The following MUC5AC variants were observed in gnomAD, a reference collection of about 807,000 sequenced individuals.
The protein encoded by MUC5AC is mucin 5AC, oligomeric mucus/gel-forming, also known as mucin-5AC.
MUC5AC carries 158 observed loss-of-function variants against 169.7 expected under a neutral mutation model. That is an observed-to-expected ratio of 0.93 (90% CI 0.82 to 1.06). The LOEUF (loss-of-function observed/expected upper bound fraction) is 1.06. Among genes scored for constraint, MUC5AC ranks in the 50% least tolerant of loss-of-function variants. The pLI is 0.00. For missense variants in MUC5AC, 4,359 were observed against 3,089.9 expected (o/e 1.41, Z -9.74); for synonymous variants, 1,975 against 1,237.0 (o/e 1.60, Z -12.52).
At chr11:1,181,559 G>T (rs1860816083) in intron 30 of MUC5AC, 100 bp downstream of exon 30, 1 of 398,200 alleles carries the variant, frequency 2.5e-6, no homozygotes, top group South Asian at 1.3e-4. Context: ...CTCTGGGCAT[G>T]GGCGGCAGCC....
Position 1,174,570 on chromosome 11 carries a change from C to T in MUC5AC, c.2040C>T (p.His680=), listed in dbSNP as rs991900818. ...CLCAALSSYV[H]ACAAKGVQLG... ...GCGCCGCGCTGTCCTCCTACGTGCA[C>T]GCCTGTGCCGCCAAGGGCGTGCAGC... is the stretch of plus-strand genomic sequence containing the variant. Residue 680 remains histidine (H), a synonymous_variant, in exon 17 of 49, where the codon CAC becomes CAT. Transcript: ENST00000621226. The T allele has an allele frequency of 7.2e-4, 1,094 of 1,529,810 alleles. No individual in the cohort carries two copies. The highest frequency in any genetic ancestry group is 9.1e-4 in the Non-Finnish European group (1,030 of 1,131,160). 94.8% of individuals were successfully genotyped at this position (1,529,810 alleles called of 1,614,324 possible). A position where few individuals can be genotyped will look rare whatever the true frequency, so the allele number is the denominator to read the frequency against.
chr11:1,201,082 C>A lies in MUC5AC; in HGVS notation c.*380C>A, dbSNP rs1861417868. 2 of 201,558 alleles carry A rather than the reference C, an allele frequency of 9.9e-6. No homozygotes were observed. The highest frequency in any genetic ancestry group is 3.5e-4 in the South Asian group (2 of 5,724). The allele number at this position is 201,558 out of a possible 1,614,324, so 12.5% of individuals were successfully genotyped here. ...CTCCTACCTCAGCCCTCAGCCTGCGCTCCCCTCCTCAGTACACGGCCAATC... is the reference window on the plus strand; with the variant it reads ...CTCCTACCTCAGCCCTCAGCCTGCGATCCCCTCCTCAGTACACGGCCAATC... On this transcript the variant is annotated 3_prime_UTR_variant, in exon 49 of 49. Coordinates refer to ENST00000621226, the MANE Select transcript of MUC5AC (RefSeq NM_001304359.2).
chr11:1,197,408 G>A, intron 40 of MUC5AC, 60 bp from the exon 41 acceptor site: 1 of 689,894 alleles, frequency 1.4e-6, no homozygotes. Flanking sequence ...AGCCGGGGTG[G>A]CTGCTGCACC....
intron 48 of MUC5AC, 37 bp downstream of exon 48, chr11:1,200,006 G>T: frequency 1.4e-6 from 1 of 715,352 alleles, no homozygotes. Flanking sequence ...GACGCGATTG[G>T]CTGTGGGGTG....
At chr11:1,194,847 T>C (rs1052798016) in intron 35 of MUC5AC, among the ~76,000 whole-genome samples, 165 bp from the exon 36 acceptor site, 8 of 151,830 alleles carry the variant, frequency 5.3e-5, no homozygotes, top group Non-Finnish European at 7.4e-5. Flanking sequence ...CCCAGTACCA[T>C]AGGGACTGTC....
Position 1,188,797 on chromosome 11 carries a change from T to A in MUC5AC, c.10652T>A (p.Ile3551Asn). The change falls in exon 31 of 49, where the codon ATC becomes AAC. Residue 3551 changes from isoleucine to asparagine, a missense_variant. Ile to Asn is a moderately radical substitution (Grantham distance 149). Transcript: ENST00000621226. ...GGDKETYNNI[I>N]RSGEKICRRP... ...GACAAGGAAACCTACAACAACATCA[T>A]CAGGAGTGGGGAAAAAATCTGCCGC... The A allele has an allele frequency of 4.0e-6, 3 of 753,378 alleles. No individual in the cohort carries two copies. The highest frequency in any genetic ancestry group is 7.3e-6 in the Non-Finnish European group (3 of 411,450). 46.7% of individuals were successfully genotyped at this position (753,378 alleles called of 1,614,324 possible). A position where few individuals can be genotyped will look rare whatever the true frequency, so the allele number is the denominator to read the frequency against.
Position 1,163,924 on chromosome 11 carries a change from T to C in MUC5AC, c.722T>C (p.Met241Thr), listed in dbSNP as rs1002639067. 1 of 1,611,326 alleles carries C rather than the reference T, an allele frequency of 6.2e-7. No individual in the cohort carries two copies. Among genetic ancestry groups the C allele is most frequent in the East Asian group, 2.2e-5 (1 of 44,832 alleles). Residue 241 changes from methionine to threonine, a missense_variant, in exon 7 of 49, where the codon ATG becomes ACG. Coordinates refer to ENST00000621226, the MANE Select transcript of MUC5AC (RefSeq NM_001304359.2). ...TPMEFGNLQK[M>T]DDPTDQCQDP... ...ATGGAATTCGGGAACCTGCAGAAGATGGACGACCCCACGGACCAGTGTCAG... is the reference window on the plus strand; with the variant it reads ...ATGGAATTCGGGAACCTGCAGAAGACGGACGACCCCACGGACCAGTGTCAG...
At position 1,183,707 on chromosome 11, in the gene MUC5AC, C is replaced by T. The variant is rs1860862772; in HGVS notation, c.5562C>T (p.Gly1854=). The T allele has an allele frequency of 1.6e-6, 1 of 620,992 alleles. No homozygotes were observed. Among genetic ancestry groups the T allele is most frequent in the Non-Finnish European group, 2.9e-6 (1 of 349,182 alleles). The allele number at this position is 620,992 out of a possible 1,614,324, so 38.5% of individuals were successfully genotyped here. ...PRGCHMTSTP[G]STSSSPAQTT... is the part of the protein sequence containing the mutation. ...GCTGCCACATGACCTCCACACCTGGCTCCACCTCTAGCAGTCCAGCCCAGA... is the reference window on the plus strand; with the variant it reads ...GCTGCCACATGACCTCCACACCTGGTTCCACCTCTAGCAGTCCAGCCCAGA... Residue 1854 remains glycine, a synonymous_variant, in exon 31 of 49, where the codon GGC becomes GGT. Transcript: ENST00000621226.
chr11:1,182,444 C>T lies in MUC5AC; in HGVS notation c.4299C>T (p.Asp1433=), dbSNP rs1048925107. ...SPRSVECRAE[D]APGVPLRALG... Reference sequence around the variant, plus strand: ...GGTCGGTGGAGTGCCGAGCTGAGGACGCCCCCGGAGTGCCGCTCCGAGCCC... The same window carrying T: ...GGTCGGTGGAGTGCCGAGCTGAGGATGCCCCCGGAGTGCCGCTCCGAGCCC... The change falls in exon 31 of 49, where the codon GAC becomes GAT. Residue 1433 remains aspartate (D), a synonymous_variant. Coordinates refer to ENST00000621226, the MANE Select transcript of MUC5AC (RefSeq NM_001304359.2). 18 of 398,530 alleles carry T rather than the reference C, an allele frequency of 4.5e-5. No individual in the cohort carries two copies. The highest frequency in any genetic ancestry group is 2.5e-4 in the South Asian group (2 of 7,852). The allele number at this position is 398,530 out of a possible 1,614,324, so 24.7% of individuals were successfully genotyped here.
chr11:1,158,221 C>A, intron 1 of MUC5AC, 149 bp downstream of exon 1: 1 of 704,702 alleles, frequency 1.4e-6, no homozygotes, highest in South Asian at 2.0e-5. Flanking sequence ...GTGGCCTGGC[C>A]ACGAACGAGC....
chr11:1,176,855 G>A (rs1449193431), intron 21 of MUC5AC, 73 bp from the exon 22 acceptor site: 2 of 398,610 alleles, frequency 5.0e-6, no homozygotes, highest in African/African-American at 2.1e-5. Flanking sequence ...GGTCCCCCCA[G>A]GGGTAGGAAG....
At chr11:1,167,221 C>T (rs1224600037) in intron 11 of MUC5AC, among the ~76,000 whole-genome samples, 10 of 144,146 alleles carry the variant, frequency 6.9e-5, no homozygotes, top group South Asian at 2.2e-4. Context: ...ACACAGTCTC[C>T]CCAAGATGAG....
chr11:1,167,975 T>G lies in MUC5AC; in HGVS notation c.1485T>G (p.Asp495Glu), dbSNP rs746802237. ...TCLKSVTLSL[D>E]GAQTVVVIKA... ...TGAAGAGCGTGACACTGAGCCTGGA[T>G]GGGGCGCAGACGGTGAGTGGAGCCT... Residue 495 changes from aspartate (D) to glutamate (E), a missense_variant, in exon 12 of 49, where the codon GAT becomes GAG. Physicochemically the swap from Asp to Glu is conservative, Grantham distance 45. Transcript: ENST00000621226. The G allele has an allele frequency of 7.1e-6, 11 of 1,550,452 alleles. No homozygotes were observed. In the South Asian group the frequency reaches 1.3e-4, roughly 18 times the overall value.
chr11:1,179,976 G>A (rs1391439361), intron 26 of MUC5AC, 46 bp from the exon 27 acceptor site: 9 of 398,422 alleles, frequency 2.3e-5, no homozygotes, highest in African/African-American at 1.0e-4. Flanking sequence ...GGGCCTCTGC[G>A]AGTGAGTTCC....
At chr11:1,169,650 A>AC in intron 15 of MUC5AC, among the ~76,000 whole-genome samples, 2 of 115,836 alleles carry the variant, frequency 1.7e-5, no homozygotes, top group African/African-American at 3.5e-5. Flanking sequence ...TCACCCATTC[A>AC]CTCACTCACC....
chr11:1,162,535 C>A lies in MUC5AC; in HGVS notation c.477C>A (p.Val159=), dbSNP rs1051725976. 7 of 1,612,346 alleles carry A rather than the reference C, an allele frequency of 4.3e-6. No homozygotes were observed. The African/African-American group carries it at 9.3e-5, about 22-fold the overall frequency. ...KGSVLVNGHP[V]LLPFSQSGVL... ...TCAGCCCTGCCTTCCTCCACAGGGT[C>A]CTGCTGCCCTTCAGCCAGTCTGGGG... Residue 159 remains valine, a synonymous_variant, in exon 5 of 49, where the codon GTC becomes GTA. Transcript: ENST00000621226.
chr11:1,182,234 A>C lies in MUC5AC; in HGVS notation c.4089A>C (p.Thr1363=). 1 of 398,606 alleles carries C rather than the reference A, an allele frequency of 2.5e-6. No homozygotes were observed. The highest frequency in any genetic ancestry group is 2.1e-5 in the African/African-American group (1 of 48,742). The allele number at this position is 398,606 out of a possible 1,614,324, so 24.7% of individuals were successfully genotyped here. Residue 1363 remains threonine (T), a synonymous_variant, in exon 31 of 49, where the codon ACA becomes ACC. Coordinates refer to ENST00000621226, the MANE Select transcript of MUC5AC (RefSeq NM_001304359.2). The stretch of plus-strand genomic sequence containing the variant: ...CTCCGAGCAGCGCCTGGCCCACCAC[A>C]GCAGGCACTTCTCCCAGGACGAGGC... ...TGPPSSAWPT[T]AGTSPRTRLP... is the part of the protein sequence containing the mutation.
chr11:1,182,265 A>G lies in MUC5AC; in HGVS notation c.4120A>G (p.Thr1374Ala), dbSNP rs1275833113. Residue 1374 changes from threonine to alanine, a missense_variant, in exon 31 of 49, where the codon ACA becomes GCA. Transcript: ENST00000621226. ...AGTSPRTRLPTASASLPPVCG... is the reference protein window; with the variant it reads ...AGTSPRTRLPAASASLPPVCG... ...CACTTCTCCCAGGACGAGGCTGCCC[A>G]CAGCCTCTGCCTCACTGCCGCCGGT... 5 of 398,422 alleles carry G rather than the reference A, an allele frequency of 1.3e-5. No homozygotes were observed. Among genetic ancestry groups the G allele is most frequent in the African/African-American group, 2.1e-5 (1 of 48,616 alleles). The allele number at this position is 398,422 out of a possible 1,614,324, so 24.7% of individuals were successfully genotyped here. A position where few individuals can be genotyped will look rare whatever the true frequency, so the allele number is the denominator to read the frequency against.
At chr11:1,199,826 C>G (rs1020139199) in intron 47 of MUC5AC, 29 bp from the exon 48 acceptor site, 2 of 748,668 alleles carry the variant, frequency 2.7e-6, no homozygotes, top group East Asian at 5.0e-5. Flanking sequence ...AGCAGCTGGG[C>G]TGGTCCTAAA....
Sources: allele counts gnomAD v4.1 joint callset (sites outside exome capture counted in the v4.1 genomes callset), GRCh38; gene constraint gnomAD v4.1.1; transcripts MANE v1.5; gene names NCBI Gene and HGNC (gene_info 2026-07-23, HGNC 2026-07-21).